Variants in GRID2 observed in about 807,000 individuals in gnomAD.
The protein encoded by GRID2 is glutamate receptor ionotropic, delta-2.
Under a neutral mutation model 114.8 loss-of-function variants are expected in GRID2, and 33 were observed. The ratio of observed to expected loss-of-function variants is 0.29; its 90% CI spans 0.22 to 0.38. The LOEUF (loss-of-function observed/expected upper bound fraction) is 0.38. Ranked by LOEUF, GRID2 falls within the 10% of genes least tolerant of loss-of-function variation. GRID2 has a pLI of 1.00. For synonymous variants in GRID2, 505 were observed against 449.9 expected, an observed-to-expected ratio of 1.12 and a Z score of -1.55; for missense variants, 1,184 against 1,257.7, an observed-to-expected ratio of 0.94 and a Z score of 0.89.
chr4:93,622,909 C>T (rs535508918), intron 13 of GRID2, among the ~76,000 whole-genome samples: 1 of 152,052 alleles, frequency 6.6e-6, no homozygotes, highest in Non-Finnish European at 1.5e-5. Flanking sequence ...AAAAAAGTCT[C>T]GCATGTTCTT....
intron 1 of GRID2, among the ~76,000 whole-genome samples, chr4:92,367,504 G>A (rs1199739906): frequency 6.6e-6 from 1 of 151,852 alleles, no homozygotes; most frequent in East Asian, 1.9e-4. Flanking sequence ...TGAGAGGAAG[G>A]GCAAACAAAG....
At chr4:93,766,427 C>G (rs112660279) in intron 14 of GRID2, among the ~76,000 whole-genome samples, 1 of 152,088 alleles carries the variant, frequency 6.6e-6, no homozygotes, top group East Asian at 1.9e-4. Context: ...ATCACAAGAA[C>G]GGCATGAGGG....
chr4:93,524,801 ATATATATATATATGTATGTATG>A (rs1266530261), intron 13 of GRID2, among the ~76,000 whole-genome samples: 4,608 of 77,998 alleles, frequency 0.059, 111 homozygotes, highest in East Asian at 0.09. Context: ...ATATATATAT[ATATATATATATATGTATGTATG>A]TATATATATA....
At chr4:93,678,208 A>G (rs374131775) in intron 14 of GRID2, among the ~76,000 whole-genome samples, 5 of 152,268 alleles carry the variant, frequency 3.3e-5, no homozygotes, top group South Asian at 2.1e-4. Flanking sequence ...GAAATGAAGC[A>G]AGAAGGGAAG....
chr4:92,851,571 A>T (rs1459568204), intron 2 of GRID2, among the ~76,000 whole-genome samples: 1 of 152,002 alleles, frequency 6.6e-6, no homozygotes, highest in Non-Finnish European at 1.5e-5. Context: ...TAATTAAGAG[A>T]TAATTATGTA....
intron 4 of GRID2, chr4:93,166,241 G>A (rs888227887): frequency 1.3e-5 from 2 of 152,130 alleles, no homozygotes; most frequent in East Asian, 1.9e-4. Flanking sequence ...ATCTATTAAA[G>A]TGTTTCTTAT....
At chr4:93,343,196 G>A (rs1481117519) in intron 8 of GRID2, among the ~76,000 whole-genome samples, 1 of 150,986 alleles carries the variant, frequency 6.6e-6, no homozygotes, top group African/African-American at 2.4e-5. Flanking sequence ...GGTCATATTA[G>A]AAGTTATTAG....
At chr4:92,855,978 T>C (rs890634704) in intron 2 of GRID2, among the ~76,000 whole-genome samples, 1 of 152,228 alleles carries the variant, frequency 6.6e-6, no homozygotes, top group Admixed American at 6.5e-5. Flanking sequence ...ACTTGAAATA[T>C]ATTTACAATT....
intron 13 of GRID2, among the ~76,000 whole-genome samples, chr4:93,562,337 T>C (rs1376351040): frequency 1.3e-5 from 2 of 152,004 alleles, no homozygotes; most frequent in Non-Finnish European, 2.9e-5. Context: ...CATCTATATA[T>C]CTTTTTTGGT....
intron 1 of GRID2, among the ~76,000 whole-genome samples, chr4:92,553,666 T>A (rs1726706848): frequency 1.3e-5 from 2 of 150,768 alleles, no homozygotes; most frequent in South Asian, 2.1e-4. Context: ...TCTTTTTTTT[T>A]ATTTTTAGAC....
At chr4:93,612,930 A>G (rs1392837886) in intron 13 of GRID2, among the ~76,000 whole-genome samples, 1 of 146,112 alleles carries the variant, frequency 6.8e-6, no homozygotes, top group Non-Finnish European at 1.5e-5. Context: ...TCCATTCTCC[A>G]CATCACTTTC....
At chr4:93,761,585 A>T (rs1478255408) in intron 14 of GRID2, among the ~76,000 whole-genome samples, 1 of 152,190 alleles carries the variant, frequency 6.6e-6, no homozygotes, top group Non-Finnish European at 1.5e-5. Flanking sequence ...CTCTAGTCTA[A>T]AAGATGATAG....
chr4:92,984,170 C>A lies in GRID2; in HGVS notation c.245-100825C>A, dbSNP rs566431574. Among the ~76,000 whole-genome samples, 3 of 152,188 alleles carry A rather than the reference C, an allele frequency of 2.0e-5. No individual in the cohort carries two copies. In the East Asian group the frequency reaches 5.8e-4, roughly 29 times the overall value. On this transcript the variant is annotated intron_variant, in intron 2 of 15. Transcript: ENST00000282020. ...TTTACATGATATATAAAAACATTGT[C>A]ATCCTTCTATTTTTCTCATATGTAC...
At chr4:92,879,303 T>C (rs965377739) in intron 2 of GRID2, among the ~76,000 whole-genome samples, 5 of 152,124 alleles carry the variant, frequency 3.3e-5, no homozygotes, top group Non-Finnish European at 7.4e-5. Flanking sequence ...CTTGTGAAGG[T>C]TGACTGACAC....
intron 2 of GRID2, among the ~76,000 whole-genome samples, chr4:93,026,359 C>T (rs1723883762): frequency 6.6e-6 from 1 of 151,818 alleles, no homozygotes; most frequent in Admixed American, 6.6e-5. Flanking sequence ...CTATGCATCA[C>T]CAGGGAACAA....
At chr4:92,812,071 C>T (rs987478471) in intron 2 of GRID2, among the ~76,000 whole-genome samples, 25 of 152,184 alleles carry the variant, frequency 1.6e-4, no homozygotes, top group African/African-American at 4.8e-4. Flanking sequence ...AAAAAGGCTT[C>T]GCCTTAGAAA....
intron 2 of GRID2, among the ~76,000 whole-genome samples, chr4:92,617,332 C>T (rs1268313127): frequency 6.6e-6 from 1 of 151,418 alleles, no homozygotes; most frequent in Non-Finnish European, 1.5e-5. Flanking sequence ...AGCTTTTAAG[C>T]CCCGCATGTA....
chr4:93,703,244 G>A (rs552478014), intron 14 of GRID2, among the ~76,000 whole-genome samples: 5 of 151,956 alleles, frequency 3.3e-5, no homozygotes, highest in African/African-American at 4.8e-5. Context: ...TTATTGAATA[G>A]GAGAGATCCA....
chr4:93,259,114 A>G (rs1473099588), intron 8 of GRID2, among the ~76,000 whole-genome samples: 4 of 151,826 alleles, frequency 2.6e-5, no homozygotes, highest in African/African-American at 9.7e-5. Flanking sequence ...TGACATTCTC[A>G]GAGTGTAAAT....
Sources: gnomAD v4.1 joint callset for allele counts (sites outside exome capture counted in the v4.1 genomes callset) on GRCh38, gnomAD v4.1.1 for gene constraint, MANE v1.5 for transcripts, NCBI Gene and HGNC (gene_info 2026-07-23, HGNC 2026-07-21) for gene names.